GLDC: variants seen among roughly 807,000 people sequenced by gnomAD.
The protein encoded by GLDC is glycine dehydrogenase (decarboxylating), mitochondrial.
Under a neutral mutation model 121.3 loss-of-function variants are expected in GLDC, and 104 were observed. The observed-to-expected ratio is 0.86, with a 90% CI of 0.73 to 1.01. GLDC has a LOEUF of 1.01. Among genes scored for constraint, GLDC ranks in the 50% least tolerant of loss-of-function variants. The pLI, the probability that GLDC is intolerant of heterozygous loss-of-function variation, is 0.00. For missense variants in GLDC, 1,429 were observed against 1,306.6 expected, an observed-to-expected ratio of 1.09 and a Z score of -1.44; for synonymous variants, 546 against 480.6, an observed-to-expected ratio of 1.14 and a Z score of -1.78.
chr9:6,555,619 T>C (rs1284713927), intron 18 of GLDC, among the ~76,000 whole-genome samples: 1 of 151,398 alleles, frequency 6.6e-6, no homozygotes, highest in Non-Finnish European at 1.5e-5. Flanking sequence ...AATACAAAAA[T>C]AAAAATAAAA....
intron 2 of GLDC, among the ~76,000 whole-genome samples, chr9:6,633,821 C>CTA (rs1819440552): frequency 1.1e-5 from 1 of 89,458 alleles, no homozygotes; most frequent in Admixed American, 1.5e-4. Flanking sequence ...GCAGGAGAAT[C>CTA]TTTTTTTTTT....
At position 6,550,798 on chromosome 9, in the gene GLDC, C is replaced by T; in HGVS notation, c.2569+5G>A. The T allele has an allele frequency of 6.3e-7, 1 of 1,585,120 alleles. No homozygotes were observed. Among genetic ancestry groups the T allele is most frequent in the Non-Finnish European group, 8.7e-7 (1 of 1,153,510 alleles). ...AAGTAATGATAGATTAAAGTTGATA[C>T]TTGCCTCTTGCACCCCTGAAAAGAA... is the stretch of plus-strand genomic sequence containing the variant. On this transcript the variant is annotated splice_donor_5th_base_variant and intron_variant, in intron 21 of 24. Coordinates refer to ENST00000321612, the MANE Select transcript of GLDC (RefSeq NM_000170.3).
intron 8 of GLDC, among the ~76,000 whole-genome samples, chr9:6,598,103 A>T (rs1445151820): frequency 6.6e-6 from 1 of 152,150 alleles, no homozygotes; most frequent in East Asian, 1.9e-4. Context: ...ATTGCAGCTC[A>T]CTGCAGCCTG....
intron 8 of GLDC, among the ~76,000 whole-genome samples, chr9:6,601,839 C>T (rs1359099243): frequency 6.6e-6 from 1 of 152,132 alleles, no homozygotes; most frequent in African/African-American, 2.4e-5. Flanking sequence ...CCATGTCGCC[C>T]AGGCAGGTTT....
At chr9:6,619,460 G>A (rs1819036701) in intron 3 of GLDC, among the ~76,000 whole-genome samples, 1 of 152,136 alleles carries the variant, frequency 6.6e-6, no homozygotes, top group South Asian at 2.1e-4. Context: ...AGGCGCAGTG[G>A]CTCATGCCTG....
At chr9:6,566,527 G>A (rs978060302) in intron 15 of GLDC, 4 of 152,156 alleles carry the variant, frequency 2.6e-5, no homozygotes, top group Non-Finnish European at 4.4e-5. Context: ...CCCAGGCCCC[G>A]GATGCAGATG....
rs557472660 is a variant in GLDC at position 6,623,055 on chromosome 9, G to A, written c.335-2736C>T. The A allele has an allele frequency of 8.1e-4, 145 of 179,570 alleles. 3 individuals are homozygous for A. Among genetic ancestry groups the A allele is most frequent in the African/African-American group, 3.7e-3 (136 of 36,294 alleles). 11.1% of individuals were successfully genotyped at this position (179,570 alleles called of 1,614,324 possible). A position where few individuals can be genotyped will look rare whatever the true frequency, so the allele number is the denominator to read the frequency against. ...GGGAGGTGAGGGGCGCCTCTGCCCC[G>A]CCGCCCCTACGGGGAAGTGAGGAGC... is the stretch of plus-strand genomic sequence containing the variant. On this transcript the variant is annotated intron_variant, in intron 2 of 24. Transcript: ENST00000321612.
At chr9:6,640,175 C>T (rs1428609061) in intron 2 of GLDC, among the ~76,000 whole-genome samples, 4 of 152,234 alleles carry the variant, frequency 2.6e-5, no homozygotes, top group Admixed American at 6.5e-5. Flanking sequence ...ACAGCAAGCT[C>T]ATTACAGCCT....
chr9:6,535,956 G>T (rs3765556), intron 23 of GLDC, 108 bp downstream of exon 23: 15 of 953,410 alleles, frequency 1.6e-5, no homozygotes, highest in South Asian at 1.3e-4. Flanking sequence ...CCTTATTCTA[G>T]GGAAGAGTAT....
rs1416109715 is a variant in GLDC, at chr9:6,541,718, C to T, written c.2570-1572G>A. 5 of 149,026 alleles carry T rather than the reference C, an allele frequency of 3.4e-5. No homozygotes were observed. The East Asian group carries it at 9.9e-4, about 30-fold the overall frequency. The allele number at this position is 149,026 out of a possible 1,614,324, so 9.2% of individuals were successfully genotyped here. ...GGGCGGGTGCCTGTAGTTCCAGCTA[C>T]TCGGGAGACTGAGTGAGAGAATTGC... On this transcript the variant is annotated intron_variant, in intron 21 of 24. Transcript: ENST00000321612.
At chr9:6,642,601 T>C (rs1336958782) in intron 2 of GLDC, among the ~76,000 whole-genome samples, 3 of 152,152 alleles carry the variant, frequency 2.0e-5, no homozygotes, top group Non-Finnish European at 2.9e-5. Context: ...GGAGCCCACT[T>C]CCACAGTGAA....
Position 6,582,326 on chromosome 9 carries a change from T to A in GLDC, c.1850+4815A>T, listed in dbSNP as rs138428200. On this transcript the variant is annotated intron_variant, in intron 15 of 24. Coordinates refer to ENST00000321612, the MANE Select transcript of GLDC (RefSeq NM_000170.3). Reference sequence around the variant, plus strand: ...CTGAGGTCAGGAGTTTGAGACCAGCTTGGCCAACACGGCGAAACCCTGTCT... The same window carrying A: ...CTGAGGTCAGGAGTTTGAGACCAGCATGGCCAACACGGCGAAACCCTGTCT... Among the ~76,000 whole-genome samples, 601 of 146,386 alleles carry A rather than the reference T, an allele frequency of 4.1e-3. 7 individuals carry two copies. Among genetic ancestry groups the A allele is most frequent in the African/African-American group, 0.015 (578 of 39,182 alleles).
In GLDC at chr9:6,645,397, G is replaced by T. The variant is rs764400486; in HGVS notation, c.103C>A (p.Arg35=). The change falls in exon 1 of 25, where the codon CGG becomes AGG. Residue 35 remains arginine, a synonymous_variant. Coordinates refer to ENST00000321612, the MANE Select transcript of GLDC (RefSeq NM_000170.3). Reference sequence around the variant, plus strand: ...TCCCCGCCGCCACTGCTGCTGTCCCGGCTCCGCGGCGCCCAGCACGGCCCC... The same window carrying T: ...TCCCCGCCGCCACTGCTGCTGTCCCTGCTCCGCGGCGCCCAGCACGGCCCC... ...GSGPCWAPRS[R]DSSSGGGDSA... 1.1e-5 allele frequency: 16 copies of T among 1,499,876 alleles called. No individual in the cohort carries two copies. The highest frequency in any genetic ancestry group is 2.9e-5 in the African/African-American group (2 of 69,144). 92.9% of individuals were successfully genotyped at this position (1,499,876 alleles called of 1,614,324 possible).
chr9:6,563,017 G>A (rs761130007), intron 16 of GLDC, among the ~76,000 whole-genome samples: 6 of 152,156 alleles, frequency 3.9e-5, no homozygotes, highest in Non-Finnish European at 8.8e-5. Flanking sequence ...AGAGTGAAAT[G>A]GCCTCTCATG....
chr9:6,622,290 G>C lies in GLDC; in HGVS notation c.335-1971C>G, dbSNP rs375118611. ...ACGGTCTCCCTCTCCCTCTTTCCAC[G>C]GGCCGAAGCTGGACTGTGCTGCTGC... is the stretch of plus-strand genomic sequence containing the variant. On this transcript the variant is annotated intron_variant, in intron 2 of 24. Transcript: ENST00000321612. Among the ~76,000 whole-genome samples, 478 of 148,648 alleles carry C rather than the reference G, an allele frequency of 3.2e-3. 4 individuals carry two copies. The highest frequency in any genetic ancestry group is 4.7e-3 in the Non-Finnish European group (313 of 67,280).
At chr9:6,538,956 C>A (rs968315615) in intron 22 of GLDC, among the ~76,000 whole-genome samples, 2 of 152,212 alleles carry the variant, frequency 1.3e-5, no homozygotes, top group Non-Finnish European at 2.9e-5. Context: ...AGTGTAACTG[C>A]ATAATAAGAT....
At position 6,588,411 on chromosome 9, in the gene GLDC, G is replaced by C. The variant is rs775299911; in HGVS notation, c.1697C>G (p.Ser566Cys). Reference protein sequence around the residue: ...GSCTMKLNSSSELAPITWKEF... With the variant: ...GSCTMKLNSSCELAPITWKEF... Reference sequence around the variant, plus strand: ...AAGTGAGCTACTTACTGCGAGTTCAGACGAACTGTTCAGTTTCATGGTGCA... The same window carrying C: ...AAGTGAGCTACTTACTGCGAGTTCACACGAACTGTTCAGTTTCATGGTGCA... The change falls in exon 14 of 25, where the codon TCT becomes TGT. Residue 566 changes from serine (S) to cysteine (C), a missense_variant. Physicochemically the swap from Ser to Cys is moderately radical, Grantham distance 112. Transcript: ENST00000321612. 3 of 1,611,716 alleles carry C rather than the reference G, an allele frequency of 1.9e-6. No individual in the cohort carries two copies. Among genetic ancestry groups the C allele is most frequent in the Non-Finnish European group, 2.5e-6 (3 of 1,177,846 alleles).
rs142534180 is a variant in GLDC, at chr9:6,620,173, A to G, written c.470+11T>C. 6.1e-4 allele frequency: 989 copies of G among 1,611,838 alleles called. 14 individuals are homozygous for G. The East Asian group carries it at 0.021, about 34-fold the overall frequency. ...ACAGTCATCCTGTTCCTGAACTGAG[A>G]AATACATTACCATCCTGAGTTCTCC... On this transcript the variant is annotated intron_variant, in intron 3 of 24. Coordinates refer to ENST00000321612, the MANE Select transcript of GLDC (RefSeq NM_000170.3).
chr9:6,634,569 AC>A (rs1335793605), intron 2 of GLDC, among the ~76,000 whole-genome samples: 1 of 145,526 alleles, frequency 6.9e-6, no homozygotes, highest in African/African-American at 2.6e-5. Flanking sequence ...CAAAAAAAAA[AC>A]CCGCCATGCT....
Sources: gnomAD v4.1 joint callset for allele counts (sites outside exome capture counted in the v4.1 genomes callset) on GRCh38, gnomAD v4.1.1 for gene constraint, MANE v1.5 for transcripts, NCBI Gene and HGNC (gene_info 2026-07-23, HGNC 2026-07-21) for gene names.